The following NRXN2 variants were observed in gnomAD, a reference collection of about 807,000 sequenced individuals.
NRXN2 encodes neurexin 2.
A neutral mutation model predicts 128.8 loss-of-function variants in NRXN2; 29 were observed. The ratio of observed to expected loss-of-function variants is 0.23; its 90% CI spans 0.17 to 0.31. The LOEUF is 0.31. NRXN2 is among the 10% of genes least tolerant of loss of function. The pLI is 1.00. For synonymous variants in NRXN2, 1,098 were observed against 1,075.2 expected (o/e 1.02, Z -0.41); for missense variants, 1,881 against 2,452.6 (o/e 0.77, Z 4.92).
Position 64,713,888 on chromosome 11 carries a change from C to T in NRXN2, c.-189G>A. On this transcript the variant is annotated 5_prime_UTR_variant, in exon 2 of 23. Coordinates refer to ENST00000265459, the MANE Select transcript of NRXN2 (RefSeq NM_015080.4). The stretch of plus-strand genomic sequence containing the variant: ...CCAGATGCCGGCTTCCCTCAGGCGG[C>T]GGCGGCGGCGCCCCTCCCCCGCCGC... 5.3e-6 allele frequency: 1 copy of T among 187,130 alleles called. No individual in the cohort carries two copies. Among genetic ancestry groups the T allele is most frequent in the Non-Finnish European group, 1.0e-5 (1 of 97,318 alleles). 11.6% of individuals were successfully genotyped at this position (187,130 alleles called of 1,614,324 possible).
intron 2 of NRXN2, among the ~76,000 whole-genome samples, chr11:64,707,311 C>G (rs1285933987): frequency 6.6e-6 from 1 of 150,728 alleles, no homozygotes; most frequent in South Asian, 2.1e-4. Context: ...GGCGTGAACC[C>G]GGGAGGCAGA....
Position 64,606,973 on chromosome 11 carries a change from G to A in NRXN2, c.*223C>T. 1.7e-6 allele frequency: 1 copy of A among 581,768 alleles called. No homozygotes were observed. Among genetic ancestry groups the A allele is most frequent in the Non-Finnish European group, 3.1e-6 (1 of 327,252 alleles). The allele number at this position is 581,768 out of a possible 1,614,324, so 36.0% of individuals were successfully genotyped here. A position where few individuals can be genotyped will look rare whatever the true frequency, so the allele number is the denominator to read the frequency against. On this transcript the variant is annotated 3_prime_UTR_variant, in exon 23 of 23. Coordinates refer to ENST00000265459, the MANE Select transcript of NRXN2 (RefSeq NM_015080.4). ...CCCTGCCTGGCAGGCGCAGAGCTGA[G>A]AGGGACAGTCAGCCCCGGGACTGAC...
chr11:64,660,197 TG>T lies in NRXN2; in HGVS notation c.2389+134del. On this transcript the variant is annotated intron_variant, in intron 11 of 22. Coordinates refer to ENST00000265459, the MANE Select transcript of NRXN2 (RefSeq NM_015080.4). This position sits in a 1 kb window ranked among gnomAD's most constrained non-coding sequence, Gnocchi z 5.2. ...AGCTCTCAGGGTCTCTGACCCAGGC[TG>T]GCGCCTCCCCACCTCCAAACTCTGC... 1.1e-6 allele frequency: 1 copy of T among 928,878 alleles called. No homozygotes were observed. Among genetic ancestry groups the T allele is most frequent in the Non-Finnish European group, 1.7e-6 (1 of 577,308 alleles). 57.5% of individuals were successfully genotyped at this position (928,878 alleles called of 1,614,324 possible). A position where few individuals can be genotyped will look rare whatever the true frequency, so the allele number is the denominator to read the frequency against.
Position 64,631,223 on chromosome 11 carries a change from A to C in NRXN2, c.3586-650T>G, listed in dbSNP as rs2043859809. On this transcript the variant is annotated intron_variant, in intron 18 of 22. Coordinates refer to ENST00000265459, the MANE Select transcript of NRXN2 (RefSeq NM_015080.4). This position sits in a 1 kb window ranked among gnomAD's most constrained non-coding sequence, Gnocchi z 4.8. ...GGGTGTGGACTGTGTGTATGGTGGGATGGACACCAGAAGAGCTGAGGGTCA... is the reference window on the plus strand; with the variant it reads ...GGGTGTGGACTGTGTGTATGGTGGGCTGGACACCAGAAGAGCTGAGGGTCA... Among the ~76,000 whole-genome samples the C allele has an allele frequency of 6.9e-6, 1 of 144,764 alleles. No homozygotes were observed. 95.0% of individuals were successfully genotyped at this position (144,764 alleles called of 152,430 possible).
At chr11:64,640,788 T>C (rs2045546057) in intron 17 of NRXN2, among the ~76,000 whole-genome samples, 1 of 151,230 alleles carries the variant, frequency 6.6e-6, no homozygotes, top group Non-Finnish European at 1.5e-5. Context: ...GAGATAAAGA[T>C]AAAGTAGGAG....
chr11:64,687,356 C>T (rs1019807557), intron 5 of NRXN2, among the ~76,000 whole-genome samples: 2 of 152,188 alleles, frequency 1.3e-5, no homozygotes, highest in African/African-American at 4.8e-5. Context: ...ATCCCCTCCC[C>T]TCCACACACA....
In NRXN2 at chr11:64,690,430, G is replaced by C. The variant is rs769535512; in HGVS notation, c.825C>G (p.Ala275=). 6.2e-7 allele frequency: 1 copy of C among 1,613,354 alleles called. No individual in the cohort carries two copies. The highest frequency in any genetic ancestry group is 1.3e-5 in the African/African-American group (1 of 74,972). The stretch of plus-strand genomic sequence containing the variant: ...CTTTTGTTGGCTGGTGCACATCGCC[G>C]GCTCCTCCTCTCCCGGCCCCCCCCT... ...FSEGGAGRGG[A]GDVHQPTKGK... The change falls in exon 5 of 23, where the codon GCC becomes GCG. Residue 275 remains alanine (A), a synonymous_variant. Transcript: ENST00000265459.
chr11:64,644,045 A>G (rs1371336381), intron 17 of NRXN2, among the ~76,000 whole-genome samples: 1 of 152,028 alleles, frequency 6.6e-6, no homozygotes, highest in Non-Finnish European at 1.5e-5. Flanking sequence ...GTAGGCACAC[A>G]GGCTCAGACA....
intron 7 of NRXN2, chr11:64,675,436 C>G (rs2051174527): frequency 6.6e-6 from 1 of 152,246 alleles, no homozygotes; most frequent in Non-Finnish European, 1.5e-5. Flanking sequence ...GGAGCCCCAA[C>G]TGTCACGCTT....
At chr11:64,696,649 G>GA (rs1211753684) in intron 3 of NRXN2, among the ~76,000 whole-genome samples, 2 of 151,744 alleles carry the variant, frequency 1.3e-5, no homozygotes, top group Non-Finnish European at 2.9e-5. Context: ...ACATCACGAG[G>GA]AAAAATGGGT....
chr11:64,635,140 A>G lies in NRXN2; in HGVS notation c.3585+131T>C. 3 of 1,008,834 alleles carry G rather than the reference A, an allele frequency of 3.0e-6. No individual in the cohort carries two copies. Among genetic ancestry groups the G allele is most frequent in the Non-Finnish European group, 4.6e-6 (3 of 657,818 alleles). 62.5% of individuals were successfully genotyped at this position (1,008,834 alleles called of 1,614,324 possible). Reference sequence around the variant, plus strand: ...AACTTCTTAGCAGGAAGCTCCAGCAATGAGGGAACAGAGGTTCTGAGGGTT... The same window carrying G: ...AACTTCTTAGCAGGAAGCTCCAGCAGTGAGGGAACAGAGGTTCTGAGGGTT... On this transcript the variant is annotated intron_variant, in intron 18 of 22. Transcript: ENST00000265459. This position sits in a 1 kb window ranked among gnomAD's most constrained non-coding sequence, Gnocchi z 4.8.
intron 3 of NRXN2, 116 bp downstream of exon 3, chr11:64,697,659 G>A (rs1003098176): frequency 1.8e-5 from 22 of 1,213,888 alleles, no homozygotes; most frequent in South Asian, 1.3e-4. Context: ...ATCCTTCTCC[G>A]GAGAGGCCCT....
chr11:64,720,606 TGAGAGA>T (rs1338131813), intron 1 of NRXN2, among the ~76,000 whole-genome samples: 3 of 150,814 alleles, frequency 2.0e-5, no homozygotes, highest in Non-Finnish European at 3.0e-5. Flanking sequence ...GATAAGTGAG[TGAGAGA>T]GAGAGAAAGT....
At chr11:64,716,261 G>C (rs2057301045) in intron 1 of NRXN2, among the ~76,000 whole-genome samples, 1 of 152,174 alleles carries the variant, frequency 6.6e-6, no homozygotes, top group Non-Finnish European at 1.5e-5. Flanking sequence ...TCATCCCCAA[G>C]CTCAGAACAG....
chr11:64,713,228 C>A lies in NRXN2; in HGVS notation c.472G>T (p.Asp158Tyr). The A allele has an allele frequency of 1.4e-6, 2 of 1,464,758 alleles. No individual in the cohort carries two copies. Among genetic ancestry groups the A allele is most frequent in the Non-Finnish European group, 9.0e-7 (1 of 1,112,066 alleles). The allele number at this position is 1,464,758 out of a possible 1,614,324, so 90.7% of individuals were successfully genotyped here. A position where few individuals can be genotyped will look rare whatever the true frequency, so the allele number is the denominator to read the frequency against. Residue 158 changes from aspartate (D) to tyrosine (Y), a missense_variant, in exon 2 of 23, where the codon GAC becomes TAC. Physicochemically the swap from Asp to Tyr is radical, Grantham distance 160. Coordinates refer to ENST00000265459, the MANE Select transcript of NRXN2 (RefSeq NM_015080.4). The stretch of plus-strand genomic sequence containing the variant: ...AGCGTAAGCGCCGAGAGGCGCACGT[C>A]GGGCGGGATGCCGCCCACGAACAGG... ...SDLFVGGIPP[D>Y]VRLSALTLST...
intron 1 of NRXN2, among the ~76,000 whole-genome samples, chr11:64,719,325 G>C (rs1444562165): frequency 6.6e-6 from 1 of 152,230 alleles, no homozygotes. Context: ...ATAAATGGCA[G>C]AGCTGGGATT....
intron 17 of NRXN2, among the ~76,000 whole-genome samples, chr11:64,638,158 C>T (rs2045068899): frequency 6.6e-6 from 1 of 152,212 alleles, no homozygotes; most frequent in African/African-American, 2.4e-5. Context: ...CCGAGGCCCG[C>T]GGCGCACAGG....
chr11:64,704,623 CAGAGAGAGAGAGAGAGAG>C (rs61394963), intron 2 of NRXN2, among the ~76,000 whole-genome samples: 96 of 81,184 alleles, frequency 1.2e-3, no homozygotes, highest in African/African-American at 2.4e-3. Flanking sequence ...CACACACACA[CAGAGAGAGAGAGAGAGAG>C]AGAGAGAGAG....
intron 2 of NRXN2, among the ~76,000 whole-genome samples, chr11:64,707,880 G>A (rs1022749619): frequency 1.3e-5 from 2 of 152,142 alleles, no homozygotes; most frequent in African/African-American, 4.8e-5. Context: ...GATCACCTGA[G>A]GTCAGGAGTT....
Sources: allele counts gnomAD v4.1 joint callset (sites outside exome capture counted in the v4.1 genomes callset), GRCh38; gene constraint gnomAD v4.1.1; non-coding constraint Gnocchi (gnomAD v3.1); transcripts MANE v1.5; gene names NCBI Gene and HGNC (gene_info 2026-07-23, HGNC 2026-07-21).